Variants in POLD3 observed in about 807,000 individuals in gnomAD.
POLD3 encodes DNA polymerase delta 3, accessory subunit.
Under a neutral mutation model 58.2 loss-of-function variants are expected in POLD3, and 19 were observed. The observed-to-expected ratio is 0.33, with a 90% confidence interval of 0.23 to 0.48. POLD3 has a LOEUF of 0.48. Among genes scored for constraint, POLD3 ranks in the 20% least tolerant of loss-of-function variants. POLD3 has a pLI of 0.99. For missense variants in POLD3, 504 were observed against 545.5 expected, an observed-to-expected ratio of 0.92 and a Z score of 0.76; for synonymous variants, 172 against 193.5, an observed-to-expected ratio of 0.89 and a Z score of 0.92.
At chr11:74,627,569 G>A (rs531314274) in intron 8 of POLD3, among the ~76,000 whole-genome samples, 4 of 152,190 alleles carry the variant, frequency 2.6e-5, no homozygotes, top group South Asian at 2.1e-4. Flanking sequence ...TTCACTCACC[G>A]CTCACTCACT....
At chr11:74,597,798 C>T (rs1179646310) in intron 2 of POLD3, among the ~76,000 whole-genome samples, 1 of 152,184 alleles carries the variant, frequency 6.6e-6, no homozygotes, top group African/African-American at 2.4e-5. Context: ...AGTCGGGTGG[C>T]TGTGGTGGCT....
At chr11:74,667,049 A>G (rs2033278433) in intron 4 of POLD3, among the ~76,000 whole-genome samples, 1 of 152,158 alleles carries the variant, frequency 6.6e-6, no homozygotes, top group South Asian at 2.1e-4. Context: ...GGACAACTGG[A>G]TATCCACATG....
intron 4 of POLD3, among the ~76,000 whole-genome samples, chr11:74,656,311 G>T (rs1267768832): frequency 6.6e-6 from 1 of 152,000 alleles, no homozygotes; most frequent in East Asian, 1.9e-4. Flanking sequence ...TTTTTTGGCC[G>T]GGCTCAGTGG....
At chr11:74,607,299 G>C (rs1266595892) in intron 3 of POLD3, among the ~76,000 whole-genome samples, 3 of 148,990 alleles carry the variant, frequency 2.0e-5, no homozygotes. Context: ...GTCTTGCTCT[G>C]TCGCCCAGGC....
chr11:74,597,547 G>C (rs1436782920), intron 2 of POLD3, among the ~76,000 whole-genome samples: 3 of 152,118 alleles, frequency 2.0e-5, no homozygotes, highest in Admixed American at 6.6e-5. Context: ...TGCAACTTCA[G>C]CCTCCCAGGC....
At chr11:74,623,983 T>C (rs1292739717) in intron 7 of POLD3, among the ~76,000 whole-genome samples, 1 of 152,230 alleles carries the variant, frequency 6.6e-6, no homozygotes, top group Non-Finnish European at 1.5e-5. Flanking sequence ...GCATTTTAAT[T>C]CAGATCAGTT....
Position 74,608,434 on chromosome 11 carries a change from A to G in POLD3, c.220-3065A>G, listed in dbSNP as rs12282559. 9.9e-3 allele frequency among the ~76,000 whole-genome samples: 1,511 copies of G among 152,018 alleles called. 20 individuals carry two copies. The highest frequency in any genetic ancestry group is 0.034 in the African/African-American group (1,427 of 41,452). On this transcript the variant is annotated intron_variant, in intron 3 of 11. Transcript: ENST00000263681. ...CGGCACCTGGCCTTTCTGTTTTTTT[A>G]GCTGTAATTTTTCTGTGAATAATTT...
chr11:74,669,097 T>C, exon 5 of POLD3: 1 of 242,762 alleles, frequency 4.1e-6, no homozygotes, highest in Non-Finnish European at 8.1e-6. Flanking sequence ...GGTCTCTGCT[T>C]TAGCACCATC....
chr11:74,613,046 G>T, intron 5 of POLD3, 36 bp downstream of exon 5: 1 of 1,582,430 alleles, frequency 6.3e-7, no homozygotes, highest in Non-Finnish European at 8.6e-7. Flanking sequence ...GCTTCTTTAC[G>T]AATTGATTTT....
chr11:74,650,800 G>T (rs575133342), intron 4 of POLD3, among the ~76,000 whole-genome samples: 1 of 152,352 alleles, frequency 6.6e-6, no homozygotes, highest in African/African-American at 2.4e-5. Flanking sequence ...GGCTGGGCTG[G>T]CTAGTGCCAT....
At chr11:74,650,974 T>A (rs956313173) in intron 4 of POLD3, among the ~76,000 whole-genome samples, 1 of 152,232 alleles carries the variant, frequency 6.6e-6, no homozygotes, top group Non-Finnish European at 1.5e-5. Context: ...GACAGTGTGG[T>A]GTAGTGGAAA....
chr11:74,642,989 T>G lies in POLD3; in HGVS notation c.*2223T>G. 2 of 950,312 alleles carry G rather than the reference T, an allele frequency of 2.1e-6. No individual in the cohort carries two copies. Among genetic ancestry groups the G allele is most frequent in the Non-Finnish European group, 2.5e-6 (2 of 797,934 alleles). 58.9% of individuals were successfully genotyped at this position (950,312 alleles called of 1,614,324 possible). On this transcript the variant is annotated 3_prime_UTR_variant, in exon 12 of 12. Coordinates refer to ENST00000263681, the MANE Select transcript of POLD3 (RefSeq NM_006591.3). ...GTATTAGTTTGGCTTCATCACTTGC[T>G]AGCTGTATGACTGTGGGCAAGTTTC...
intron 4 of POLD3, among the ~76,000 whole-genome samples, chr11:74,657,759 A>G (rs1288009676): frequency 2.0e-5 from 3 of 152,144 alleles, no homozygotes; most frequent in African/African-American, 7.2e-5. Context: ...TCTTCAGATG[A>G]TTTTTTATTG....
At position 74,654,865 on chromosome 11, in the gene POLD3, C is replaced by T. The variant is rs911108648; in HGVS notation, c.370-13912C>T. On this transcript the variant is annotated intron_variant, in intron 4 of 4. Coordinates refer to the POLD3 transcript ENST00000524752. ...AAAAGCAAGACAACAATTCAGCTAG[C>T]CTGAAGTTGAGGTCCTGGTTGGAGC... 4.6e-5 allele frequency among the ~76,000 whole-genome samples: 7 copies of T among 152,074 alleles called. No individual in the cohort carries two copies. The East Asian group carries it at 1.2e-3, about 25-fold the overall frequency.
intron 11 of POLD3, among the ~76,000 whole-genome samples, chr11:74,637,003 T>G (rs2032768303): frequency 6.6e-6 from 1 of 152,214 alleles, no homozygotes; most frequent in Non-Finnish European, 1.5e-5. Context: ...GATGGGATGC[T>G]CAGATCCTGG....
At chr11:74,610,939 T>A (rs2031890070) in intron 3 of POLD3, among the ~76,000 whole-genome samples, 1 of 152,126 alleles carries the variant, frequency 6.6e-6, no homozygotes, top group Non-Finnish European at 1.5e-5. Context: ...CATGCCCAGC[T>A]AATTTTTGTG....
At chr11:74,620,827 A>G (rs1165205565) in intron 7 of POLD3, among the ~76,000 whole-genome samples, 1 of 152,176 alleles carries the variant, frequency 6.6e-6, no homozygotes, top group Non-Finnish European at 1.5e-5. Flanking sequence ...AGATTTTTCA[A>G]GGAGGCATTT....
rs1037306292 is a variant in POLD3, at chr11:74,640,952, A to C, written c.*186A>C. On this transcript the variant is annotated 3_prime_UTR_variant, in exon 12 of 12. Coordinates refer to ENST00000263681, the MANE Select transcript of POLD3 (RefSeq NM_006591.3). Reference sequence around the variant, plus strand: ...CAAAAGGAAATCATCTGGAAGCAGGAGGCAAAAAGCTGTTACCTTCTAATG... The same window carrying C: ...CAAAAGGAAATCATCTGGAAGCAGGCGGCAAAAAGCTGTTACCTTCTAATG... 3.9e-6 allele frequency: 5 copies of C among 1,266,906 alleles called. No homozygotes were observed. In the African/African-American group the frequency reaches 7.7e-5, roughly 19 times the overall value. The allele number at this position is 1,266,906 out of a possible 1,614,324, so 78.5% of individuals were successfully genotyped here.
intron 2 of POLD3, among the ~76,000 whole-genome samples, chr11:74,601,484 C>T (rs1192493118): frequency 6.6e-6 from 1 of 152,056 alleles, no homozygotes; most frequent in Non-Finnish European, 1.5e-5. Context: ...TTTGTTAGAG[C>T]TTGGATGGCA....
Sources: gnomAD v4.1 joint callset for allele counts (sites outside exome capture counted in the v4.1 genomes callset) on GRCh38, gnomAD v4.1.1 for gene constraint, MANE v1.5 for transcripts, NCBI Gene and HGNC (gene_info 2026-07-23, HGNC 2026-07-21) for gene names.